Variants in GPC6 observed in about 807,000 individuals in gnomAD.
The protein encoded by GPC6 is glypican-6.
A neutral mutation model predicts 55.2 loss-of-function variants in GPC6; 14 were observed. The observed-to-expected ratio is 0.25, with a 90% CI of 0.17 to 0.40. GPC6 has a LOEUF of 0.40. GPC6 is among the 10% of genes least tolerant of loss of function. GPC6 has a pLI of 1.00. For missense variants in GPC6, 641 were observed against 708.5 expected (o/e 0.90, Z 1.08); for synonymous variants, 278 against 259.6 (o/e 1.07, Z -0.68).
intron 4 of GPC6, among the ~76,000 whole-genome samples, chr13:94,227,183 T>C (rs1890584880): frequency 6.6e-6 from 1 of 152,194 alleles, no homozygotes; most frequent in South Asian, 2.1e-4. Flanking sequence ...TTAAATATAA[T>C]TATAATTATA....
At chr13:94,288,216 C>A (rs546876190) in intron 5 of GPC6, among the ~76,000 whole-genome samples, 314 of 152,072 alleles carry the variant, frequency 2.1e-3, no homozygotes, top group Non-Finnish European at 3.9e-3. Flanking sequence ...TAGGAAGAAG[C>A]TTCTCCTCCC....
chr13:93,243,936 G>A (rs952380751), intron 1 of GPC6, among the ~76,000 whole-genome samples: 3 of 152,072 alleles, frequency 2.0e-5, no homozygotes, highest in Non-Finnish European at 4.4e-5. Context: ...GAAGCACTCA[G>A]ATGTTGCTGG....
chr13:94,210,005 G>A (rs886868618), intron 4 of GPC6, among the ~76,000 whole-genome samples: 6 of 151,706 alleles, frequency 4.0e-5, no homozygotes, highest in Non-Finnish European at 7.4e-5. Flanking sequence ...ATGCCACCAC[G>A]CTGGGCTAAT....
intron 2 of GPC6, among the ~76,000 whole-genome samples, chr13:93,615,533 G>A (rs1052049609): frequency 6.6e-6 from 1 of 152,062 alleles, no homozygotes; most frequent in African/African-American, 2.4e-5. Context: ...TTGTTAATGG[G>A]CTATTTGGGC....
intron 1 of GPC6, among the ~76,000 whole-genome samples, chr13:93,458,328 A>G (rs985856438): frequency 2.6e-5 from 4 of 152,120 alleles, no homozygotes; most frequent in African/African-American, 7.2e-5. Context: ...TCTTCATTGT[A>G]TCATCCTGTC....
intron 3 of GPC6, among the ~76,000 whole-genome samples, chr13:93,930,257 G>C (rs1878092621): frequency 7.6e-6 from 1 of 130,810 alleles, no homozygotes; most frequent in Non-Finnish European, 1.5e-5. Context: ...GGTTTTTAAA[G>C]GTTATTGGAA....
At chr13:93,819,865 A>G (rs1427282294) in intron 2 of GPC6, among the ~76,000 whole-genome samples, 2 of 152,206 alleles carry the variant, frequency 1.3e-5, no homozygotes, top group Non-Finnish European at 2.9e-5. Flanking sequence ...CAAGAAATAA[A>G]ACATTTATCA....
At chr13:93,552,447 TCCTCCTCC>T (rs1875211339) in intron 2 of GPC6, among the ~76,000 whole-genome samples, 2 of 135,382 alleles carry the variant, frequency 1.5e-5, no homozygotes, top group African/African-American at 7.7e-5. Flanking sequence ...TCTCTCCTCC[TCCTCCTCC>T]TCCTCCTCCT....
intron 3 of GPC6, among the ~76,000 whole-genome samples, chr13:93,866,655 G>A (rs1195515787): frequency 6.6e-6 from 1 of 151,712 alleles, no homozygotes; most frequent in Non-Finnish European, 1.5e-5. Context: ...ACTTATAAGT[G>A]GAAGCTAAAT....
intron 6 of GPC6, among the ~76,000 whole-genome samples, chr13:94,375,058 A>T (rs990658089): frequency 1.3e-5 from 2 of 150,278 alleles, no homozygotes; most frequent in African/African-American, 5.0e-5. Flanking sequence ...ACGCATTCAA[A>T]GCAGTGTGTA....
At chr13:93,436,689 G>T (rs1877583443) in intron 1 of GPC6, among the ~76,000 whole-genome samples, 1 of 152,072 alleles carries the variant, frequency 6.6e-6, no homozygotes, top group Non-Finnish European at 1.5e-5. Context: ...TGAAAAAAAT[G>T]CACCCCTTCA....
chr13:93,916,083 T>C (rs1239513191), intron 3 of GPC6, among the ~76,000 whole-genome samples: 1 of 151,916 alleles, frequency 6.6e-6, no homozygotes, highest in Non-Finnish European at 1.5e-5. Context: ...TAGGCAGCCT[T>C]CAGAGGGACC....
At chr13:93,599,651 C>A (rs954365302) in intron 2 of GPC6, among the ~76,000 whole-genome samples, 1 of 152,120 alleles carries the variant, frequency 6.6e-6, no homozygotes, top group Non-Finnish European at 1.5e-5. Context: ...AGCTCCCCAG[C>A]CCCATGTAGT....
chr13:94,083,745 T>C (rs1020823740), intron 4 of GPC6, among the ~76,000 whole-genome samples: 2 of 152,192 alleles, frequency 1.3e-5, no homozygotes, highest in East Asian at 3.9e-4. Context: ...TAATAAACAC[T>C]TATGTGACAG....
chr13:93,733,482 G>A (rs560800772), intron 2 of GPC6, among the ~76,000 whole-genome samples: 1 of 151,250 alleles, frequency 6.6e-6, no homozygotes, highest in Non-Finnish European at 1.5e-5. Flanking sequence ...GTGTGAAATA[G>A]TGTAGTCTAT....
intron 4 of GPC6, among the ~76,000 whole-genome samples, chr13:94,071,908 A>G (rs1204576835): frequency 6.6e-6 from 1 of 152,212 alleles, no homozygotes; most frequent in African/African-American, 2.4e-5. Flanking sequence ...TGAGAAAAGT[A>G]TAAGGCTTGA....
At chr13:93,889,012 T>C (rs1000046848) in intron 3 of GPC6, among the ~76,000 whole-genome samples, 6 of 152,072 alleles carry the variant, frequency 3.9e-5, no homozygotes, top group Admixed American at 6.6e-5. Flanking sequence ...ACCCAAACAC[T>C]AGCAAAAAGA....
chr13:94,208,157 A>G (rs956027207), intron 4 of GPC6, among the ~76,000 whole-genome samples: 1 of 152,164 alleles, frequency 6.6e-6, no homozygotes, highest in African/African-American at 2.4e-5. Flanking sequence ...GTGCCAGTTA[A>G]TTGGTGTGAA....
chr13:94,122,381 A>C (rs544370519), intron 4 of GPC6, among the ~76,000 whole-genome samples: 7 of 152,148 alleles, frequency 4.6e-5, no homozygotes, highest in African/African-American at 1.7e-4. Flanking sequence ...ACTGCGTTTC[A>C]AACTCTTGGA....
Sources: allele counts gnomAD v4.1 joint callset (sites outside exome capture counted in the v4.1 genomes callset), GRCh38; gene constraint gnomAD v4.1.1; transcripts MANE v1.5; gene names NCBI Gene and HGNC (gene_info 2026-07-23, HGNC 2026-07-21).